The following NTAQ1 variants were observed in gnomAD, a reference collection of about 807,000 sequenced individuals.
The protein encoded by NTAQ1 is N-terminal glutamine amidase 1.
Under a neutral mutation model 28.2 loss-of-function variants are expected in NTAQ1, and 21 were observed. The observed-to-expected ratio is 0.74, with a 90% CI of 0.53 to 1.07. The LOEUF is 1.07. NTAQ1 is among the 50% of genes least tolerant of loss of function. NTAQ1 has a pLI of 0.00. For missense variants in NTAQ1, 264 were observed against 256.6 expected, an observed-to-expected ratio of 1.03 and a Z score of -0.20; for synonymous variants, 105 against 90.0, an observed-to-expected ratio of 1.17 and a Z score of -0.94.
intron 6 of NTAQ1, among the ~76,000 whole-genome samples, chr8:123,455,734 A>C (rs1181402533): frequency 2.0e-5 from 3 of 152,120 alleles, no homozygotes; most frequent in Admixed American, 2.0e-4. Context: ...CGAAATCAGC[A>C]TTTTAATAGC....
chr8:123,458,725 A>G (rs1462242529), intron 6 of NTAQ1, among the ~76,000 whole-genome samples: 3 of 149,806 alleles, frequency 2.0e-5, no homozygotes, highest in African/African-American at 7.4e-5. Flanking sequence ...GGGTCACACC[A>G]TTCTCCTGCC....
intron 6 of NTAQ1, chr8:123,455,159 C>T (rs1815611179): frequency 6.6e-6 from 1 of 152,222 alleles, no homozygotes; most frequent in Admixed American, 6.5e-5. Context: ...CATAGCTCAG[C>T]CTTGGTCTCC....
At chr8:123,469,863 A>G (rs952451691) in exon 7 of NTAQ1, among the ~76,000 whole-genome samples, 2 of 152,202 alleles carry the variant, frequency 1.3e-5, no homozygotes, top group Admixed American at 6.5e-5. Context: ...AGAAGCATCA[A>G]CAAACATGTA....
intron 1 of NTAQ1, among the ~76,000 whole-genome samples, chr8:123,419,997 A>C (rs1173516032): frequency 6.6e-6 from 1 of 151,814 alleles, no homozygotes. Flanking sequence ...GGTTTGGTGT[A>C]CAAATTATTT....
chr8:123,463,434 G>A (rs931420942), intron 6 of NTAQ1, among the ~76,000 whole-genome samples: 43 of 152,130 alleles, frequency 2.8e-4, no homozygotes, highest in South Asian at 1.0e-3. Context: ...ACTTTTTACC[G>A]TCTATTGAAT....
intron 3 of NTAQ1, chr8:123,435,481 A>G: frequency 1.0e-6 from 1 of 985,496 alleles, no homozygotes; most frequent in Non-Finnish European, 1.2e-6. Flanking sequence ...AGTTTGGAGC[A>G]GATCCTTGCA....
At chr8:123,447,805 C>T (rs4541892) in intron 6 of NTAQ1, among the ~76,000 whole-genome samples, 55,142 of 152,068 alleles carry the variant, frequency 0.36, 10,110 homozygotes, top group East Asian at 0.56. Flanking sequence ...AAAAACAACT[C>T]TGCAAAACCA....
chr8:123,444,079 A>G (rs1330851621), downstream of NTAQ1, among the ~76,000 whole-genome samples: 3 of 151,100 alleles, frequency 2.0e-5, no homozygotes, highest in South Asian at 6.3e-4. Flanking sequence ...AACCCAAACT[A>G]AGACAATTTT....
At chr8:123,420,616 G>A (rs1370125521) in intron 1 of NTAQ1, among the ~76,000 whole-genome samples, 5 of 113,784 alleles carry the variant, frequency 4.4e-5, no homozygotes, top group Non-Finnish European at 6.9e-5. Flanking sequence ...TTTTGAGACA[G>A]GGTCTCACTC....
chr8:123,466,665 CT>C (rs772587571), intron 6 of NTAQ1, among the ~76,000 whole-genome samples: 1 of 152,196 alleles, frequency 6.6e-6, no homozygotes, highest in Non-Finnish European at 1.5e-5. Flanking sequence ...CTTTTCCCCC[CT>C]GGCAAACTGT....
intron 1 of NTAQ1, among the ~76,000 whole-genome samples, chr8:123,417,916 G>A (rs1220450626): frequency 6.6e-6 from 1 of 152,066 alleles, no homozygotes; most frequent in African/African-American, 2.4e-5. Flanking sequence ...TGCTGAAACT[G>A]GAACCTCTTC....
chr8:123,429,264 A>G (rs7005105), intron 2 of NTAQ1, among the ~76,000 whole-genome samples: 137,955 of 152,222 alleles, frequency 0.91, 62,644 homozygotes, highest in East Asian at 0.99. Flanking sequence ...TTCACTCTCC[A>G]AAGACCATCA....
chr8:123,436,519 G>T lies in NTAQ1; in HGVS notation c.301G>T (p.Val101Phe). Reference protein sequence around the residue: ...GQNFIYDLDTVLPFPCLFDTY... With the variant: ...GQNFIYDLDTFLPFPCLFDTY... The stretch of plus-strand genomic sequence containing the variant: ...GAACTTCATTTATGATCTCGATACT[G>T]TCTTGCCATTTCCCTGCCTCTTTGA... The change falls in exon 4 of 6, where the codon GTC becomes TTC. Residue 101 changes from valine (V) to phenylalanine (F), a missense_variant. Physicochemically the swap from Val to Phe is conservative, Grantham distance 50. Coordinates refer to ENST00000287387, the MANE Select transcript of NTAQ1 (RefSeq NM_018024.3). 6.2e-7 allele frequency: 1 copy of T among 1,613,958 alleles called. No individual in the cohort carries two copies. The highest frequency in any genetic ancestry group is 1.1e-5 in the South Asian group (1 of 91,072).
intron 1 of NTAQ1, among the ~76,000 whole-genome samples, chr8:123,425,419 G>T (rs1303780873): frequency 2.6e-5 from 4 of 151,096 alleles, no homozygotes; most frequent in African/African-American, 9.7e-5. Flanking sequence ...TTACTCTATA[G>T]TACATATCAT....
At position 123,460,815 on chromosome 8, in the gene NTAQ1, A is replaced by G. The variant is rs188520443; in HGVS notation, c.373-6264A>G. Among the ~76,000 whole-genome samples the G allele has an allele frequency of 3.0e-3, 461 of 152,176 alleles. 6 individuals are homozygous for G. Among genetic ancestry groups the G allele is most frequent in the Non-Finnish European group, 2.1e-3 (143 of 68,010 alleles). On this transcript the variant is annotated intron_variant, in intron 6 of 6. Coordinates refer to the NTAQ1 transcript ENST00000650311. Reference sequence around the variant, plus strand: ...TGGACTTGGTAGGTTTGGTTTGACGACGTAGTGGAGTTTGTATTGGCTGAA... The same window carrying G: ...TGGACTTGGTAGGTTTGGTTTGACGGCGTAGTGGAGTTTGTATTGGCTGAA...
At chr8:123,444,150 G>GAGAA (rs1815183077), downstream of NTAQ1, among the ~76,000 whole-genome samples, 1 of 151,684 alleles carries the variant, frequency 6.6e-6, no homozygotes, top group Admixed American at 6.6e-5. Flanking sequence ...TTTTCTGTAT[G>GAGAA]GAAAGAAGAT....
chr8:123,435,106 C>T (rs1814624458), intron 3 of NTAQ1, among the ~76,000 whole-genome samples: 1 of 152,146 alleles, frequency 6.6e-6, no homozygotes, highest in Admixed American at 6.6e-5. Flanking sequence ...ACTAATGTTG[C>T]TAGGTTGCTT....
intron 3 of NTAQ1, among the ~76,000 whole-genome samples, chr8:123,432,512 G>A (rs62520982): frequency 0.36 from 54,196 of 151,158 alleles, 9,778 homozygotes; most frequent in East Asian, 0.56. Flanking sequence ...GTGGGCGCTT[G>A]TAGTCCCAGC....
In NTAQ1 at chr8:123,416,778, C is replaced by G. The variant is rs918196542; in HGVS notation, c.-72C>G. The G allele has an allele frequency of 2.1e-6, 3 of 1,432,286 alleles. No individual in the cohort carries two copies. The highest frequency in any genetic ancestry group is 2.7e-5 in the South Asian group (2 of 73,572). The allele number at this position is 1,432,286 out of a possible 1,614,324, so 88.7% of individuals were successfully genotyped here. A position where few individuals can be genotyped will look rare whatever the true frequency, so the allele number is the denominator to read the frequency against. On this transcript the variant is annotated 5_prime_UTR_variant, in exon 1 of 6. Coordinates refer to ENST00000287387, the MANE Select transcript of NTAQ1 (RefSeq NM_018024.3). ...CGCCGGGAACCCACGCGGGCCACTA[C>G]AAGCCCGCCCTTTCCTACGTCTGGT...
Sources: allele counts gnomAD v4.1 joint callset (sites outside exome capture counted in the v4.1 genomes callset), GRCh38; gene constraint gnomAD v4.1.1; transcripts MANE v1.5; gene names NCBI Gene and HGNC (gene_info 2026-07-23, HGNC 2026-07-21).